The following SLC44A5 variants were observed in gnomAD, a reference collection of about 807,000 sequenced individuals.
SLC44A5 encodes the protein choline transporter-like protein 5.
Under a neutral mutation model 101.8 loss-of-function variants are expected in SLC44A5, and 57 were observed. That is an observed-to-expected ratio of 0.56 (90% CI 0.45 to 0.70). The LOEUF (loss-of-function observed/expected upper bound fraction) is 0.70, where lower values mean the gene tolerates loss of function less well. Ranked by LOEUF, SLC44A5 falls within the 30% of genes least tolerant of loss-of-function variation. The probability of loss-of-function intolerance (pLI) is 0.00; values close to 1 mark genes in which losing one functional copy is unlikely to be tolerated. For synonymous variants in SLC44A5, 281 were observed against 290.9 expected (o/e 0.97, Z 0.35); for missense variants, 737 against 853.1 (o/e 0.86, Z 1.70).
At chr1:75,424,829 C>T (rs982703824) in intron 2 of SLC44A5, among the ~76,000 whole-genome samples, 1 of 152,106 alleles carries the variant, frequency 6.6e-6, no homozygotes, top group East Asian at 1.9e-4. Context: ...ATAATTTCTT[C>T]TTATAAAGAA....
chr1:75,225,546 T>G (rs1476087926), intron 13 of SLC44A5, among the ~76,000 whole-genome samples: 2 of 152,192 alleles, frequency 1.3e-5, no homozygotes, highest in Non-Finnish European at 2.9e-5. Flanking sequence ...CTAAGAGATA[T>G]ACACGAATTC....
intron 3 of SLC44A5, among the ~76,000 whole-genome samples, chr1:75,391,511 C>T (rs1007227137): frequency 1.3e-5 from 2 of 152,016 alleles, no homozygotes; most frequent in African/African-American, 4.8e-5. Context: ...ATGGTACTGA[C>T]ATAAAAACAG....
At chr1:75,505,424 T>G (rs528751522) in intron 2 of SLC44A5, among the ~76,000 whole-genome samples, 2 of 152,274 alleles carry the variant, frequency 1.3e-5, no homozygotes, top group African/African-American at 4.8e-5. Context: ...CTTTGAGAAG[T>G]CTCCAAACTG....
the SLC44A5 span, among the ~76,000 whole-genome samples, chr1:75,665,044 A>G: frequency 6.6e-6 from 1 of 152,166 alleles, no homozygotes; most frequent in African/African-American, 2.4e-5. Context: ...AAAGCAATCA[A>G]CAGATTCAAT....
intron 2 of SLC44A5, among the ~76,000 whole-genome samples, chr1:75,410,108 A>G (rs1663179053): frequency 6.6e-6 from 1 of 152,096 alleles, no homozygotes; most frequent in African/African-American, 2.4e-5. Context: ...TATAGTGTGA[A>G]TTATAGAGAG....
chr1:75,717,728 T>C, the SLC44A5 span, among the ~76,000 whole-genome samples: 1 of 152,132 alleles, frequency 6.6e-6, no homozygotes, highest in Admixed American at 6.5e-5. Flanking sequence ...AAATGGTTAT[T>C]AAGAAATGGA....
chr1:75,274,020 A>G (rs929702790), intron 6 of SLC44A5, among the ~76,000 whole-genome samples: 1 of 152,056 alleles, frequency 6.6e-6, no homozygotes, highest in African/African-American at 2.4e-5. Flanking sequence ...TTTGTTGTCA[A>G]TTTTTAAAAT....
chr1:75,434,592 C>A (rs17584530), intron 2 of SLC44A5, among the ~76,000 whole-genome samples: 1 of 152,100 alleles, frequency 6.6e-6, no homozygotes, highest in East Asian at 1.9e-4. Flanking sequence ...ATGACTCTTG[C>A]TGCAGAATAA....
the SLC44A5 span, among the ~76,000 whole-genome samples, chr1:75,617,058 C>T: frequency 2.4e-4 from 36 of 152,116 alleles, no homozygotes; most frequent in Non-Finnish European, 3.7e-4. Context: ...ACTGCAAGGG[C>T]AGGCGAAAGT....
chr1:75,649,441 G>A, the SLC44A5 span, among the ~76,000 whole-genome samples: 3 of 152,126 alleles, frequency 2.0e-5, no homozygotes, highest in African/African-American at 7.2e-5. Flanking sequence ...TAGAAGAAAG[G>A]TGTTAAAAGT....
At chr1:75,460,909 G>A (rs1044038933) in intron 2 of SLC44A5, among the ~76,000 whole-genome samples, 1 of 151,918 alleles carries the variant, frequency 6.6e-6, no homozygotes. Flanking sequence ...GAATTTGAAT[G>A]GTTTTCCATT....
At chr1:75,666,609 T>TA in the SLC44A5 span, among the ~76,000 whole-genome samples, 2 of 152,272 alleles carry the variant, frequency 1.3e-5, no homozygotes, top group Non-Finnish European at 2.9e-5. Context: ...ATCATCCTGA[T>TA]ACCAAAACTG....
intron 2 of SLC44A5, among the ~76,000 whole-genome samples, chr1:75,509,137 C>T (rs1469234362): frequency 1.3e-5 from 2 of 152,202 alleles, no homozygotes; most frequent in Admixed American, 1.3e-4. Flanking sequence ...TGCCCCACAC[C>T]TCGTGCTTCA....
At chr1:75,661,587 G>GA in the SLC44A5 span, among the ~76,000 whole-genome samples, 2 of 151,650 alleles carry the variant, frequency 1.3e-5, no homozygotes, top group African/African-American at 4.8e-5. Context: ...CAGAATGGGA[G>GA]AAAATGTTTG....
chr1:75,209,315 A>C (rs1646808108), intron 23 of SLC44A5, among the ~76,000 whole-genome samples: 1 of 152,342 alleles, frequency 6.6e-6, no homozygotes, highest in Admixed American at 6.5e-5. Context: ...AATTTTCATA[A>C]GTATTTTCAG....
chr1:75,527,708 G>T (rs1299114194), intron 2 of SLC44A5, among the ~76,000 whole-genome samples: 2 of 65,904 alleles, frequency 3.0e-5, no homozygotes, highest in African/African-American at 1.3e-4. Flanking sequence ...CTTTTTGAGA[G>T]CACTGAGGCA....
At chr1:75,509,108 C>T (rs1669427097) in intron 2 of SLC44A5, among the ~76,000 whole-genome samples, 1 of 152,238 alleles carries the variant, frequency 6.6e-6, no homozygotes, top group South Asian at 2.1e-4. Flanking sequence ...TGATTTTTCT[C>T]AGGCATATCC....
intron 6 of SLC44A5, among the ~76,000 whole-genome samples, chr1:75,268,560 G>A (rs2100721951): frequency 6.6e-6 from 1 of 151,950 alleles, no homozygotes; most frequent in East Asian, 1.9e-4. Context: ...GATATAATAG[G>A]GGCTCAGAAA....
intron 4 of SLC44A5, among the ~76,000 whole-genome samples, chr1:75,327,691 G>A (rs1023340546): frequency 1.1e-4 from 17 of 152,116 alleles, no homozygotes; most frequent in African/African-American, 4.1e-4. Context: ...AAACTAATAT[G>A]TGAGTAGAAA....
Sources: gnomAD v4.1 joint callset for allele counts (sites outside exome capture counted in the v4.1 genomes callset) on GRCh38, gnomAD v4.1.1 for gene constraint, MANE v1.5 for transcripts, NCBI Gene and HGNC (gene_info 2026-07-23, HGNC 2026-07-21) for gene names.